IL17D: variants seen among roughly 807,000 people sequenced by gnomAD.
IL17D encodes interleukin-17D.
Under a neutral mutation model 5.7 loss-of-function variants are expected in IL17D, and 10 were observed. The observed-to-expected ratio is 1.75, with a 90% CI of 1.08 to 2.97. The LOEUF (loss-of-function observed/expected upper bound fraction) is 2.97, where lower values mean the gene tolerates loss of function less well. IL17D is among the 30% of genes most tolerant of loss of function. The probability of loss-of-function intolerance (pLI) is 0.00; values close to 1 mark genes in which losing one functional copy is unlikely to be tolerated. For missense variants in IL17D, 354 were observed against 292.7 expected (o/e 1.21, Z -1.53); for synonymous variants, 172 against 141.7 (o/e 1.21, Z -1.52).
At position 20,721,770 on chromosome 13, in the gene IL17D, TCCTGCGCCGCACCCCCG is replaced by T. The variant is rs771697377; in HGVS notation, c.435_451del (p.Thr146ArgfsTer82). 2 of 1,609,604 alleles carry T rather than the reference TCCTGCGCCGCACCCCCG, an allele frequency of 1.2e-6. No individual in the cohort carries two copies. Among genetic ancestry groups the T allele is most frequent in the Admixed American group, 3.3e-5 (2 of 59,998 alleles). The stretch of plus-strand genomic sequence containing the variant: ...GCCCCTGTCTACATGCCCACCGTCG[TCCTGCGCCGCACCCCCG>T]CCTGCGCCGGCGGCCGTTCCGTCTA... On this transcript the variant is annotated frameshift_variant, in exon 2 of 2. Transcript: ENST00000682841. LOFTEE classifies it low-confidence loss of function (END_TRUNC).
At chr13:20,709,510 G>T (rs917874572) in intron 1 of IL17D, among the ~76,000 whole-genome samples, 8 of 152,150 alleles carry the variant, frequency 5.3e-5, no homozygotes, top group Non-Finnish European at 2.9e-5. Context: ...GGGGAAAGGG[G>T]TATATAGCAT....
intron 1 of IL17D, among the ~76,000 whole-genome samples, chr13:20,715,516 A>G (rs1222684698): frequency 3.3e-5 from 5 of 152,192 alleles, no homozygotes; most frequent in Non-Finnish European, 7.3e-5. Context: ...GCTAGCCTTT[A>G]GGGATAGCGC....
At chr13:20,703,449 G>T, upstream of IL17D, 1 of 983,910 alleles carries the variant, frequency 1.0e-6, no homozygotes, top group Non-Finnish European at 1.2e-6. Flanking sequence ...CCCCGGGTAC[G>T]AGGAAAGACC....
intron 1 of IL17D, among the ~76,000 whole-genome samples, chr13:20,712,177 G>T (rs1264932834): frequency 2.6e-5 from 4 of 152,218 alleles, no homozygotes; most frequent in African/African-American, 9.6e-5. Flanking sequence ...GGTACTGTTC[G>T]CATCACTTTC....
chr13:20,703,382 G>A (rs2058559556), upstream of IL17D: 1 of 985,972 alleles, frequency 1.0e-6, no homozygotes, highest in Admixed American at 6.1e-5. Context: ...GTGCAGAGTC[G>A]CTCTGTGTCC....
rs368490760 is a variant in IL17D, at chr13:20,721,949, C to G, written c.604C>G (p.Pro202Ala). 8.9e-5 allele frequency: 141 copies of G among 1,592,130 alleles called. No individual in the cohort carries two copies. The highest frequency in any genetic ancestry group is 1.2e-4 in the Non-Finnish European group (139 of 1,173,252). ...LLGPNDAPAG[P>A] ...GGGCCCCAACGACGCGCCCGCTGGC[C>G]CCTGAGGCCGGTCCTGCCCCGGGAG... Residue 202 changes from proline (P) to alanine (A), a missense_variant, in exon 2 of 2, where the codon CCC becomes GCC. Transcript: ENST00000682841.
chr13:20,702,095 G>A (rs1028200246), upstream of IL17D: 1 of 152,012 alleles, frequency 6.6e-6, no homozygotes, highest in Non-Finnish European at 1.5e-5. Flanking sequence ...AGCCTCCCAC[G>A]CTTCCTTTTT....
chr13:20,705,653 C>T (rs1415129693), intron 1 of IL17D, among the ~76,000 whole-genome samples: 9 of 152,054 alleles, frequency 5.9e-5, no homozygotes, highest in Non-Finnish European at 8.8e-5. Flanking sequence ...GCTGTGGTGG[C>T]GCCACTGCCT....
rs1000536640 is a variant in IL17D, at chr13:20,703,955, C to T, written c.-47C>T. On this transcript the variant is annotated 5_prime_UTR_variant, in exon 1 of 2. Transcript: ENST00000682841. ...CACGGGCGCGGGGCGCAGGCGGGCT[C>T]CTCCGGCGCGTGCGGACGCTGAGCG... 9.1e-6 allele frequency: 9 copies of T among 984,714 alleles called. No individual in the cohort carries two copies. The African/African-American group carries it at 1.6e-4, about 17-fold the overall frequency. The allele number at this position is 984,714 out of a possible 1,614,324, so 61.0% of individuals were successfully genotyped here.
At chr13:20,713,872 A>G (rs1401180178) in intron 1 of IL17D, 1 of 152,336 alleles carries the variant, frequency 6.6e-6, no homozygotes, top group Non-Finnish European at 1.5e-5. Context: ...GGAATTAAAG[A>G]GTCCAGGCTC....
upstream of IL17D, chr13:20,703,049 T>G (rs951257751): frequency 1.3e-5 from 2 of 153,270 alleles, no homozygotes; most frequent in Non-Finnish European, 2.9e-5. Context: ...CCCACTTTTC[T>G]GCTTCGGAGA....
chr13:20,711,264 C>CA (rs34735042), intron 1 of IL17D, among the ~76,000 whole-genome samples: 1 of 125,704 alleles, frequency 8.0e-6, no homozygotes. Flanking sequence ...AACTCTGTCT[C>CA]AAAAAAAGAA....
At chr13:20,717,943 T>C (rs1298224300) in intron 1 of IL17D, among the ~76,000 whole-genome samples, 1 of 152,124 alleles carries the variant, frequency 6.6e-6, no homozygotes, top group Non-Finnish European at 1.5e-5. Flanking sequence ...TGAGTGACAG[T>C]TGTTCATGAA....
rs186843809 is a variant in IL17D, at chr13:20,716,871, T to A, written c.291-4765T>A. On this transcript the variant is annotated intron_variant, in intron 1 of 1. Coordinates refer to ENST00000682841, the MANE Select transcript of IL17D (RefSeq NM_001385224.1). The surrounding 1 kb of genome is among the most constrained non-coding windows in gnomAD (Gnocchi z 4.2). ...CCCCTGCTGCTCTGAAATCATTTCA[T>A]GTTTTGCAAGGTGGGAGGGTGAGCC... Among the ~76,000 whole-genome samples the A allele has an allele frequency of 1.4e-4, 21 of 152,302 alleles. No individual in the cohort carries two copies. The highest frequency in any genetic ancestry group is 1.4e-3 in the East Asian group (7 of 5,178).
chr13:20,721,285 G>A (rs894655573), intron 1 of IL17D, among the ~76,000 whole-genome samples: 1 of 152,330 alleles, frequency 6.6e-6, no homozygotes, highest in East Asian at 1.9e-4. Flanking sequence ...GAGCCTTGCC[G>A]GCGGGAAGCA....
At chr13:20,708,784 G>T (rs1359206408) in intron 1 of IL17D, among the ~76,000 whole-genome samples, 1 of 148,056 alleles carries the variant, frequency 6.8e-6, no homozygotes, top group Admixed American at 6.8e-5. Context: ...AGGATCATGA[G>T]GTCAGGAGAT....
At chr13:20,715,847 G>T (rs1038522363) in intron 1 of IL17D, among the ~76,000 whole-genome samples, 1 of 152,044 alleles carries the variant, frequency 6.6e-6, no homozygotes, top group African/African-American at 2.4e-5. Context: ...AGGCTCAAGG[G>T]ATCCTCCCAT....
At chr13:20,704,638 C>T (rs1382742115) in intron 1 of IL17D, among the ~76,000 whole-genome samples, 3 of 152,136 alleles carry the variant, frequency 2.0e-5, no homozygotes, top group Non-Finnish European at 4.4e-5. Context: ...GTCCTGCTTC[C>T]TCTCTTTACC....
chr13:20,711,031 G>A (rs2058632894), intron 1 of IL17D, among the ~76,000 whole-genome samples: 1 of 152,090 alleles, frequency 6.6e-6, no homozygotes, highest in Non-Finnish European at 1.5e-5. Flanking sequence ...TTGGGAGGCT[G>A]AGGTGGGTGG....
Sources: allele counts gnomAD v4.1 joint callset (sites outside exome capture counted in the v4.1 genomes callset), GRCh38; gene constraint gnomAD v4.1.1; non-coding constraint Gnocchi (gnomAD v3.1); transcripts MANE v1.5; gene names NCBI Gene and HGNC (gene_info 2026-07-23, HGNC 2026-07-21).